The following IFNGR1 variants were observed in gnomAD, a reference collection of about 807,000 sequenced individuals.
IFNGR1 encodes the protein interferon gamma receptor 1.
In IFNGR1, 23 loss-of-function variants were observed where a neutral mutation model predicts 35.4. The observed-to-expected ratio is 0.65, with a 90% confidence interval of 0.47 to 0.92. The LOEUF (loss-of-function observed/expected upper bound fraction) is 0.92. IFNGR1 is among the 40% of genes least tolerant of loss of function. IFNGR1 has a pLI of 0.00. For missense variants in IFNGR1, 533 were observed against 583.4 expected (o/e 0.91, Z 0.89); for synonymous variants, 199 against 209.5 (o/e 0.95, Z 0.43).
intron 4 of IFNGR1, 78 bp downstream of exon 4, chr6:137,204,254 T>C: frequency 8.4e-7 from 1 of 1,186,598 alleles, no homozygotes; most frequent in South Asian, 1.2e-5. Context: ...AAGCATCCTA[T>C]TTTCATTACA....
In IFNGR1 at chr6:137,198,210, G is replaced by A. The variant is rs747857191; in HGVS notation, c.1291C>T (p.Pro431Ser). The A allele has an allele frequency of 6.8e-6, 11 of 1,613,970 alleles. No individual in the cohort carries two copies. Among genetic ancestry groups the A allele is most frequent in the Admixed American group, 1.7e-5 (1 of 59,968 alleles). ...SHSSLSDSEF[P>S]PNNKGEIKTE... The stretch of plus-strand genomic sequence containing the variant: ...TTTATTTCACCTTTATTATTTGGGG[G>A]AAATTCTGAGTCAGATAAGGAGCTA... Residue 431 changes from proline (P) to serine (S), a missense_variant, in exon 7 of 7, where the codon CCC becomes TCC. Pro to Ser is a moderately conservative substitution (Grantham distance 74). Transcript: ENST00000367739.
intron 6 of IFNGR1, 23 bp downstream of exon 6, chr6:137,200,858 T>C (rs1178302791): frequency 1.3e-6 from 2 of 1,499,922 alleles, no homozygotes; most frequent in South Asian, 2.4e-5. Flanking sequence ...TTTTAGTGTA[T>C]ATAAAAAAAT....
chr6:137,200,757 T>A, intron 6 of IFNGR1, 124 bp downstream of exon 6: 1 of 820,546 alleles, frequency 1.2e-6, no homozygotes, highest in South Asian at 1.8e-5. Context: ...TGTGGTAGAC[T>A]GACTGATTGA....
intron 6 of IFNGR1, among the ~76,000 whole-genome samples, chr6:137,200,641 CTT>C (rs1388066068): frequency 2.0e-5 from 3 of 151,958 alleles, no homozygotes; most frequent in Non-Finnish European, 2.9e-5. Context: ...TCCCCCTAGA[CTT>C]TAAGATCTTT....
chr6:137,204,217 A>T, intron 4 of IFNGR1, 115 bp downstream of exon 4: 1 of 882,726 alleles, frequency 1.1e-6, no homozygotes, highest in South Asian at 1.4e-5. Flanking sequence ...CAAATCTATG[A>T]TCTGTGAGTC....
intron 1 of IFNGR1, among the ~76,000 whole-genome samples, chr6:137,215,644 A>C (rs1474098031): frequency 6.6e-6 from 1 of 152,186 alleles, no homozygotes; most frequent in Non-Finnish European, 1.5e-5. Flanking sequence ...TATGCTGCCA[A>C]ATTTTGTAAG....
rs377105974 is a variant in IFNGR1, at chr6:137,209,380, TTG to T, written c.86-2305_86-2304del. 7.7e-4 allele frequency among the ~76,000 whole-genome samples: 117 copies of T among 152,086 alleles called. No homozygotes were observed. The East Asian group carries it at 0.013, about 17-fold the overall frequency. Reference sequence around the variant, plus strand: ...CCAGGGGTAGCATAATATGGTTTGGTTGTGTGTCCCCACCGAAATCTCAACTT... The same window carrying T: ...CCAGGGGTAGCATAATATGGTTTGGTTGTGTCCCCACCGAAATCTCAACTT... On this transcript the variant is annotated intron_variant, in intron 1 of 6. Coordinates refer to ENST00000367739, the MANE Select transcript of IFNGR1 (RefSeq NM_000416.3).
Position 137,207,003 on chromosome 6 carries a change from G to A in IFNGR1, c.160C>T (p.Pro54Ser). 2 of 1,613,738 alleles carry A rather than the reference G, an allele frequency of 1.2e-6. No individual in the cohort carries two copies. The highest frequency in any genetic ancestry group is 1.7e-6 in the Non-Finnish European group (2 of 1,179,674). The change falls in exon 2 of 7, where the codon CCA becomes TCA. Residue 54 changes from proline (P) to serine (S), a missense_variant. By Grantham distance (74) the Pro-to-Ser change is moderately conservative. Transcript: ENST00000367739. ...PIVYWEYQIM[P>S]QVPVFTVEVK... is the part of the protein sequence containing the mutation. ...TCTACGGTAAAAACAGGGACCTGTG[G>A]CATGATCTGGTACTCCCAATATACG...
At chr6:137,218,714 G>A in intron 1 of IFNGR1, 1 of 350,506 alleles carries the variant, frequency 2.9e-6, no homozygotes, top group South Asian at 2.1e-5. Flanking sequence ...CTGAGAAATG[G>A]AGAAATGTCC....
rs1779148934 is a variant in IFNGR1, at chr6:137,198,365, G to A, written c.1136C>T (p.Ser379Phe). 2 of 1,614,002 alleles carry A rather than the reference G, an allele frequency of 1.2e-6. No individual in the cohort carries two copies. The highest frequency in any genetic ancestry group is 1.7e-5 in the Admixed American group (1 of 59,988). ...SHLTPIERES[S>F]SPLSSNQSEP... ...AGACTGGTTACTACTTAAAGGTGAA[G>A]AACTCTCTCTCTCTATTGGAGTCAG... The change falls in exon 7 of 7, where the codon TCT becomes TTT. Residue 379 changes from serine (S) to phenylalanine (F), a missense_variant. Coordinates refer to ENST00000367739, the MANE Select transcript of IFNGR1 (RefSeq NM_000416.3).
At chr6:137,207,139 C>A in intron 1 of IFNGR1, 62 bp from the exon 2 acceptor site, 1 of 1,593,378 alleles carries the variant, frequency 6.3e-7, no homozygotes, top group Non-Finnish European at 8.6e-7. Flanking sequence ...TATTGGAAAG[C>A]CTTATTGTAA....
At position 137,200,986 on chromosome 6, in the gene IFNGR1, A is replaced by G; in HGVS notation, c.756T>C (p.Val252=). Reference sequence around the variant, plus strand: ...GCACTAGAAAGAGTAGTAAAGCAGCAACAACTGGAATCCAAAGAGAACCTT... The same window carrying G: ...GCACTAGAAAGAGTAGTAAAGCAGCGACAACTGGAATCCAAAGAGAACCTT... ...SIKGSLWIPV[V]AALLLFLVLS... is the part of the protein sequence containing the mutation. The change falls in exon 6 of 7, where the codon GTT becomes GTC. Residue 252 remains valine, a synonymous_variant. Coordinates refer to ENST00000367739, the MANE Select transcript of IFNGR1 (RefSeq NM_000416.3). 1 of 1,613,526 alleles carries G rather than the reference A, an allele frequency of 6.2e-7. No homozygotes were observed.
intron 4 of IFNGR1, 173 bp from the exon 5 acceptor site, chr6:137,203,858 G>A (rs1779359575): frequency 1.4e-5 from 9 of 633,084 alleles, no homozygotes; most frequent in Middle Eastern, 3.5e-4. Flanking sequence ...AACACAGCAC[G>A]ATACTATGCA....
Position 137,197,854 on chromosome 6 carries a change from T to C in IFNGR1, c.*177A>G. 1 of 772,462 alleles carries C rather than the reference T, an allele frequency of 1.3e-6. No individual in the cohort carries two copies. The highest frequency in any genetic ancestry group is 1.8e-5 in the South Asian group (1 of 55,576). The allele number at this position is 772,462 out of a possible 1,614,324, so 47.9% of individuals were successfully genotyped here. On this transcript the variant is annotated 3_prime_UTR_variant, in exon 7 of 7. Transcript: ENST00000367739. ...TAAAAAAAAAAAAAAGTCTGTACTT[T>C]ACAAGCCAAAAGTGAAAATGCCACA... is the stretch of plus-strand genomic sequence containing the variant.
chr6:137,203,733 G>T (rs202151796), intron 4 of IFNGR1, 48 bp from the exon 5 acceptor site: 2 of 1,208,394 alleles, frequency 1.7e-6, no homozygotes, highest in Non-Finnish European at 2.3e-6. Context: ...CTTTTAATCT[G>T]AAAAAAAAAA....
intron 1 of IFNGR1, among the ~76,000 whole-genome samples, chr6:137,217,440 C>T (rs543113992): frequency 1.6e-4 from 25 of 152,328 alleles, no homozygotes; most frequent in South Asian, 1.4e-3. Context: ...CCCAACCCAA[C>T]CCTCTACGAG....
intron 1 of IFNGR1, among the ~76,000 whole-genome samples, chr6:137,215,693 A>AACAC (rs145759443): frequency 4.6e-5 from 7 of 150,784 alleles, no homozygotes; most frequent in African/African-American, 7.3e-5. Flanking sequence ...TTCATACACA[A>AACAC]ACACACACAC....
chr6:137,218,725 C>T, intron 1 of IFNGR1: 1 of 350,498 alleles, frequency 2.9e-6, no homozygotes, highest in East Asian at 7.5e-5. Context: ...AGAAATGTCC[C>T]CTTAGGCAAT....
At chr6:137,204,912 C>T (rs973675413) in intron 3 of IFNGR1, among the ~76,000 whole-genome samples, 40 of 152,100 alleles carry the variant, frequency 2.6e-4, no homozygotes, top group African/African-American at 9.7e-4. Context: ...GTTTTCTTCC[C>T]TCATCAAAAC....
Sources: allele counts gnomAD v4.1 joint callset (sites outside exome capture counted in the v4.1 genomes callset), GRCh38; gene constraint gnomAD v4.1.1; transcripts MANE v1.5; gene names NCBI Gene and HGNC (gene_info 2026-07-23, HGNC 2026-07-21).